The following DNAH6 variants were observed in gnomAD, a reference collection of about 807,000 sequenced individuals.
The protein encoded by DNAH6 is axonemal beta dynein heavy chain 6.
A neutral mutation model predicts 491.4 loss-of-function variants in DNAH6; 340 were observed. That is an observed-to-expected ratio of 0.69 (90% CI 0.63 to 0.76). The LOEUF (loss-of-function observed/expected upper bound fraction) is 0.76. Ranked by LOEUF, DNAH6 falls within the 30% of genes least tolerant of loss-of-function variation. The pLI, the probability that DNAH6 is intolerant of heterozygous loss-of-function variation, is 0.00. For missense variants in DNAH6, 4,443 were observed against 4,972.2 expected, an observed-to-expected ratio of 0.89 and a Z score of 3.20; for synonymous variants, 1,603 against 1,686.1, an observed-to-expected ratio of 0.95 and a Z score of 1.21.
intron 47 of DNAH6, among the ~76,000 whole-genome samples, chr2:84,699,126 C>A (rs1192287): frequency 0.33 from 49,516 of 151,804 alleles, 9,624 homozygotes; most frequent in African/African-American, 0.56. Flanking sequence ...CAAACCCCAG[C>A]ATCACGCAAT....
At chr2:84,500,970 A>G in the DNAH6 span, among the ~76,000 whole-genome samples, 1 of 152,166 alleles carries the variant, frequency 6.6e-6, no homozygotes, top group African/African-American at 2.4e-5. Flanking sequence ...ACTGTCTGCA[A>G]AGAAGGATAA....
chr2:84,692,642 C>T (rs1694983460), intron 45 of DNAH6, among the ~76,000 whole-genome samples: 2 of 152,056 alleles, frequency 1.3e-5, no homozygotes, highest in Non-Finnish European at 2.9e-5. Flanking sequence ...GTTATCACCC[C>T]CTTTTCTATC....
rs112895082 is a variant in DNAH6, at chr2:84,528,987, G to A, written c.483G>A (p.Gly161=). The change falls in exon 4 of 77, where the codon GGG becomes GGA. Residue 161 remains glycine, a synonymous_variant. Coordinates refer to ENST00000389394, the MANE Select transcript of DNAH6 (RefSeq NM_001370.2). ...HTGIGKRGLF[G]TRSSAYPKYT... The stretch of plus-strand genomic sequence containing the variant: ...GTATTGGAAAAAGAGGTCTCTTTGG[G>A]ACTAGATCTTCAGCTTACCCTAAGT... 1.9e-4 allele frequency: 293 copies of A among 1,550,880 alleles called. 2 individuals carry two copies. In the African/African-American group the frequency reaches 3.0e-3, roughly 16 times the overall value.
Position 84,624,558 on chromosome 2 carries a change from C to T in DNAH6, c.4291C>T (p.Gln1431Ter). Residue 1431 changes from glutamine (Q) to a stop codon, truncating the protein, a stop_gained, in exon 28 of 77, where the codon CAG becomes TAG. Transcript: ENST00000389394. LOFTEE classifies it high-confidence loss of function. ...TTGTGTGGCTAGAATGGCGCTCTCT[C>T]AGTACACTTATGGCTATGAATATTT... ...DNCVARMALS[Q>*]YTYGYEYLGA... 6.4e-7 allele frequency: 1 copy of T among 1,551,678 alleles called. No homozygotes were observed. Among genetic ancestry groups the T allele is most frequent in the African/African-American group, 1.4e-5 (1 of 73,160 alleles).
At chr2:84,550,637 C>G (rs1319761900) in intron 9 of DNAH6, among the ~76,000 whole-genome samples, 2 of 152,144 alleles carry the variant, frequency 1.3e-5, no homozygotes, top group African/African-American at 4.8e-5. Context: ...CTTGCTAAAG[C>G]TTGCTCATGT....
chr2:84,707,161 A>C, intron 53 of DNAH6, 142 bp downstream of exon 53: 1 of 996,186 alleles, frequency 1.0e-6, no homozygotes, highest in Non-Finnish European at 1.4e-6. Flanking sequence ...ATAAGAACTC[A>C]TGTGTTTTAT....
Position 84,616,866 on chromosome 2 carries a change from TA to T in DNAH6, c.3476-19del. The stretch of plus-strand genomic sequence containing the variant: ...GATTTTAACACAGTTTTACCAATAC[TA>T]TTTTTTTTTAATGAACAGGACTTCT... On this transcript the variant is annotated intron_variant, in intron 22 of 76. Coordinates refer to ENST00000389394, the MANE Select transcript of DNAH6 (RefSeq NM_001370.2). 2 of 1,338,446 alleles carry T rather than the reference TA, an allele frequency of 1.5e-6. No individual in the cohort carries two copies. Among genetic ancestry groups the T allele is most frequent in the Non-Finnish European group, 2.0e-6 (2 of 1,008,752 alleles). The allele number at this position is 1,338,446 out of a possible 1,614,324, so 82.9% of individuals were successfully genotyped here. A position where few individuals can be genotyped will look rare whatever the true frequency, so the allele number is the denominator to read the frequency against.
At chr2:84,533,847 AT>A (rs1185074831) in intron 4 of DNAH6, among the ~76,000 whole-genome samples, 1 of 152,134 alleles carries the variant, frequency 6.6e-6, no homozygotes, top group Non-Finnish European at 1.5e-5. Context: ...GGATCCATAG[AT>A]TGTCTAGAGG....
At chr2:84,818,839 C>G (rs1222216368) in intron 76 of DNAH6, among the ~76,000 whole-genome samples, 1 of 152,104 alleles carries the variant, frequency 6.6e-6, no homozygotes, top group Admixed American at 6.5e-5. Flanking sequence ...TTTGGGAGGC[C>G]AAGGCAAGCG....
Position 84,653,382 on chromosome 2 carries a change from A to G in DNAH6, c.5142A>G (p.Gln1714=), listed in dbSNP as rs1033202068. The part of the protein sequence containing the change: ...QIPEHDYGIL[Q]STIVDVMNRQ... ...CAGAACATGATTATGGTATTTTACA[A>G]TCAACAATTGTGGATGTCATGAATA... Residue 1714 remains glutamine (Q), a synonymous_variant, in exon 34 of 77, where the codon CAA becomes CAG. Coordinates refer to ENST00000389394, the MANE Select transcript of DNAH6 (RefSeq NM_001370.2). The G allele has an allele frequency of 1.3e-5, 20 of 1,550,552 alleles. No individual in the cohort carries two copies. Among genetic ancestry groups the G allele is most frequent in the Non-Finnish European group, 1.7e-5 (19 of 1,146,340 alleles).
chr2:84,589,656 G>A (rs1215409994), intron 16 of DNAH6, among the ~76,000 whole-genome samples: 2 of 147,072 alleles, frequency 1.4e-5, no homozygotes, highest in East Asian at 2.0e-4. Context: ...AGGTTGCGGT[G>A]AGCCAAGATC....
chr2:84,669,562 G>A (rs995053349), intron 38 of DNAH6, 52 bp downstream of exon 38: 105 of 1,436,468 alleles, frequency 7.3e-5, no homozygotes, highest in Non-Finnish European at 9.1e-5. Context: ...AGGGCATGAT[G>A]GACTTAGAAT....
rs565169626 is a variant in DNAH6, at chr2:84,634,260, G to A, written c.4516-244G>A. Among the ~76,000 whole-genome samples, 96 of 152,220 alleles carry A rather than the reference G, an allele frequency of 6.3e-4. 1 individual carries two copies. Among genetic ancestry groups the A allele is most frequent in the African/African-American group, 2.1e-3 (88 of 41,536 alleles). Reference sequence around the variant, plus strand: ...GGTGAGTGGAGGTTATAAACAAGAAGGAAAATTGGTCAGATTGTCATTTTG... The same window carrying A: ...GGTGAGTGGAGGTTATAAACAAGAAAGAAAATTGGTCAGATTGTCATTTTG... On this transcript the variant is annotated intron_variant, in intron 29 of 76. Transcript: ENST00000389394.
chr2:84,680,771 T>A (rs1693705845), intron 41 of DNAH6, among the ~76,000 whole-genome samples: 1 of 151,860 alleles, frequency 6.6e-6, no homozygotes, highest in Non-Finnish European at 1.5e-5. Context: ...TGGGGTGATG[T>A]CCGGGGAAAC....
At chr2:84,656,653 A>G (rs1690999929) in intron 35 of DNAH6, among the ~76,000 whole-genome samples, 1 of 152,002 alleles carries the variant, frequency 6.6e-6, no homozygotes, top group Non-Finnish European at 1.5e-5. Flanking sequence ...CTTATTGTTG[A>G]ATTTTAAGAG....
chr2:84,672,980 C>T (rs1259636664), intron 40 of DNAH6, among the ~76,000 whole-genome samples: 2 of 152,064 alleles, frequency 1.3e-5, no homozygotes. Flanking sequence ...TTCAGGAGAT[C>T]CATGAACAAG....
intron 4 of DNAH6, among the ~76,000 whole-genome samples, chr2:84,533,440 A>G (rs2104469110): frequency 6.6e-6 from 1 of 152,258 alleles, no homozygotes; most frequent in South Asian, 2.1e-4. Context: ...GATATGTTCA[A>G]TATTTTGAGT....
At chr2:84,674,692 A>G (rs1693064310) in intron 40 of DNAH6, among the ~76,000 whole-genome samples, 1 of 152,210 alleles carries the variant, frequency 6.6e-6, no homozygotes, top group Non-Finnish European at 1.5e-5. Flanking sequence ...TATCTTCCCA[A>G]CAACGCAGTG....
At chr2:84,550,607 G>T (rs745879332) in intron 9 of DNAH6, among the ~76,000 whole-genome samples, 6 of 152,136 alleles carry the variant, frequency 3.9e-5, no homozygotes, top group Non-Finnish European at 8.8e-5. Context: ...CATACTGAGA[G>T]AAAGTTCCTG....
Sources: allele counts gnomAD v4.1 joint callset (sites outside exome capture counted in the v4.1 genomes callset), GRCh38; gene constraint gnomAD v4.1.1; transcripts MANE v1.5; gene names NCBI Gene and HGNC (gene_info 2026-07-23, HGNC 2026-07-21).